The following DOCK1 variants were observed in gnomAD, a reference collection of about 807,000 sequenced individuals.
DOCK1 encodes dedicator of cytokinesis protein 1.
Under a neutral mutation model 262.7 loss-of-function variants are expected in DOCK1, and 138 were observed. The observed-to-expected ratio is 0.53, with a 90% CI of 0.46 to 0.61. DOCK1 has a LOEUF of 0.61. DOCK1 is among the 20% of genes least tolerant of loss of function. DOCK1 has a pLI of 0.00. For missense variants in DOCK1, 1,908 were observed against 2,370.7 expected, an observed-to-expected ratio of 0.80 and a Z score of 4.05; for synonymous variants, 866 against 867.4, an observed-to-expected ratio of 1.00 and a Z score of 0.03.
chr10:127,303,766 G>C (rs894891963), intron 29 of DOCK1, among the ~76,000 whole-genome samples: 9 of 151,862 alleles, frequency 5.9e-5, no homozygotes, highest in African/African-American at 1.7e-4. Context: ...GGCTGAGGTG[G>C]GAGGATAGCT....
rs544409279 is a variant in DOCK1 at position 127,212,210 on chromosome 10, G to T, written c.2848-35798G>T. On this transcript the variant is annotated intron_variant, in intron 27 of 51. Coordinates refer to ENST00000623213, the MANE Select transcript of DOCK1 (RefSeq NM_001290223.2). ...AGAGTTGTTTACAAGGCGGCTTTCC[G>T]TGATGTGTCTGCTTGGGTAAGGCAT... Among the ~76,000 whole-genome samples, 252 of 152,216 alleles carry T rather than the reference G, an allele frequency of 1.7e-3. 1 individual carries two copies. Among genetic ancestry groups the T allele is most frequent in the African/African-American group, 5.8e-3 (240 of 41,544 alleles).
chr10:127,423,839 G>A (rs749083834), intron 46 of DOCK1, among the ~76,000 whole-genome samples: 30 of 152,138 alleles, frequency 2.0e-4, no homozygotes, highest in Admixed American at 5.2e-4. Flanking sequence ...TCAGGAGGGC[G>A]TCTTTGTAGA....
At chr10:127,187,428 C>T (rs2056373585) in intron 27 of DOCK1, among the ~76,000 whole-genome samples, 1 of 152,160 alleles carries the variant, frequency 6.6e-6, no homozygotes, top group South Asian at 2.1e-4. Context: ...AAACATAAAT[C>T]TTTCCAAAAC....
chr10:127,361,214 C>A (rs572837981), intron 32 of DOCK1, among the ~76,000 whole-genome samples: 1 of 149,360 alleles, frequency 6.7e-6, no homozygotes, highest in Non-Finnish European at 1.5e-5. Flanking sequence ...CCCAGGTTCA[C>A]GCCATTCTCC....
At chr10:127,266,137 C>G (rs2060345599) in intron 29 of DOCK1, among the ~76,000 whole-genome samples, 1 of 152,228 alleles carries the variant, frequency 6.6e-6, no homozygotes, top group Non-Finnish European at 1.5e-5. Flanking sequence ...TGCGTGTTTT[C>G]TTTCCTGTTC....
intron 1 of DOCK1, among the ~76,000 whole-genome samples, chr10:126,944,291 T>C (rs2035231734): frequency 6.6e-6 from 1 of 151,848 alleles, no homozygotes; most frequent in African/African-American, 2.4e-5. Context: ...AGGGTACAGT[T>C]CTTCCCCAGC....
intron 23 of DOCK1, among the ~76,000 whole-genome samples, chr10:127,073,820 A>G (rs1431001437): frequency 1.3e-5 from 2 of 152,354 alleles, no homozygotes; most frequent in Non-Finnish European, 2.9e-5. Context: ...CTGAAGGGAC[A>G]TTTGTAAATG....
At position 127,052,401 on chromosome 10, in the gene DOCK1, A is replaced by G. The variant is rs532161394; in HGVS notation, c.2202-280A>G. On this transcript the variant is annotated intron_variant, in intron 21 of 51. Transcript: ENST00000623213. Reference sequence around the variant, plus strand: ...TAGCTGGGCGAGGCGGCGTGTGCCTATAATTCCAACTACTTGGGAGGCGGA... The same window carrying G: ...TAGCTGGGCGAGGCGGCGTGTGCCTGTAATTCCAACTACTTGGGAGGCGGA... Among the ~76,000 whole-genome samples the G allele has an allele frequency of 8.5e-5, 13 of 152,222 alleles. No homozygotes were observed. In the East Asian group the frequency reaches 1.2e-3, roughly 14 times the overall value.
At chr10:127,338,040 GC>G (rs2063277568) in intron 29 of DOCK1, among the ~76,000 whole-genome samples, 1 of 152,194 alleles carries the variant, frequency 6.6e-6, no homozygotes, top group Middle Eastern at 3.2e-3. Flanking sequence ...GGCACGCTTG[GC>G]TGAAGAGATA....
At chr10:127,059,105 G>A (rs1475373918) in intron 22 of DOCK1, among the ~76,000 whole-genome samples, 2 of 152,102 alleles carry the variant, frequency 1.3e-5, no homozygotes, top group African/African-American at 4.8e-5. Flanking sequence ...TAGGTTGGAA[G>A]TTATTTTCTT....
At chr10:127,009,923 G>A (rs1198563005) in intron 11 of DOCK1, among the ~76,000 whole-genome samples, 1 of 152,122 alleles carries the variant, frequency 6.6e-6, no homozygotes, top group Non-Finnish European at 1.5e-5. Context: ...GAAGAGTATG[G>A]CTTTCTTTGC....
At chr10:127,227,413 C>T (rs545936394) in intron 27 of DOCK1, among the ~76,000 whole-genome samples, 47 of 152,316 alleles carry the variant, frequency 3.1e-4, no homozygotes, top group African/African-American at 9.9e-4. Flanking sequence ...TGAGCTGCAT[C>T]CCAGTGTGTC....
intron 23 of DOCK1, among the ~76,000 whole-genome samples, chr10:127,084,987 C>T (rs919777264): frequency 1.3e-4 from 20 of 152,108 alleles, no homozygotes; most frequent in Non-Finnish European, 2.8e-4. Context: ...CTGTCTTGTT[C>T]GTTGTCCTCT....
chr10:126,955,743 G>A (rs968535156), intron 1 of DOCK1, among the ~76,000 whole-genome samples: 6 of 152,138 alleles, frequency 3.9e-5, no homozygotes, highest in Admixed American at 2.6e-4. Flanking sequence ...TATTCCTGCC[G>A]AGTGGTCACG....
intron 33 of DOCK1, among the ~76,000 whole-genome samples, chr10:127,362,900 TGTA>T (rs2064611760): frequency 9.2e-5 from 1 of 10,928 alleles, no homozygotes; most frequent in Admixed American, 9.5e-4. Flanking sequence ...CACACACACA[TGTA>T]CATCTCCACA....
At chr10:127,081,114 A>G (rs2046874010) in intron 23 of DOCK1, among the ~76,000 whole-genome samples, 1 of 152,158 alleles carries the variant, frequency 6.6e-6, no homozygotes, top group Non-Finnish European at 1.5e-5. Context: ...TTTTATTAGA[A>G]GATAGAACGA....
chr10:127,117,659 C>G (rs2132969339), intron 25 of DOCK1, among the ~76,000 whole-genome samples: 1 of 152,134 alleles, frequency 6.6e-6, no homozygotes, highest in South Asian at 2.1e-4. Flanking sequence ...CTGTTGAGTT[C>G]TGCTGTCACT....
intron 1 of DOCK1, among the ~76,000 whole-genome samples, chr10:126,942,620 C>T (rs910865710): frequency 1.3e-5 from 2 of 152,136 alleles, no homozygotes; most frequent in African/African-American, 4.8e-5. Flanking sequence ...CGAGCCAGCC[C>T]CGAGGGAGCC....
chr10:127,009,015 G>C (rs2041235444), intron 11 of DOCK1, among the ~76,000 whole-genome samples: 1 of 152,154 alleles, frequency 6.6e-6, no homozygotes, highest in African/African-American at 2.4e-5. Context: ...CTGGAAGTAG[G>C]AGATTTTACT....
Sources: allele counts gnomAD v4.1 joint callset (sites outside exome capture counted in the v4.1 genomes callset), GRCh38; gene constraint gnomAD v4.1.1; transcripts MANE v1.5; gene names NCBI Gene and HGNC (gene_info 2026-07-23, HGNC 2026-07-21).